Variants in F10 observed in about 807,000 individuals in gnomAD.
F10 encodes the protein Stuart-Prower factor.
Under a neutral mutation model 37.1 loss-of-function variants are expected in F10, and 29 were observed. That is an observed-to-expected ratio of 0.78 (90% confidence interval 0.58 to 1.07). The LOEUF (loss-of-function observed/expected upper bound fraction) is 1.07, where lower values mean the gene tolerates loss of function less well. Ranked by LOEUF, F10 falls within the 50% of genes least tolerant of loss-of-function variation. The probability of loss-of-function intolerance (pLI) is 0.00; values close to 1 mark genes in which losing one functional copy is unlikely to be tolerated. For missense variants in F10, 539 were observed against 667.9 expected, an observed-to-expected ratio of 0.81 and a Z score of 2.13; for synonymous variants, 262 against 268.6, an observed-to-expected ratio of 0.98 and a Z score of 0.24.
Position 113,143,801 on chromosome 13 carries a change from T to A in F10, c.503-50T>A. On this transcript the variant is annotated intron_variant, in intron 5 of 7. Transcript: ENST00000375559. This position sits in a 1 kb window ranked among gnomAD's most constrained non-coding sequence, Gnocchi z 6.8. ...CCCTCAGGGTGAGCTGTGCAGGCTATGGGGAGCCTCTCTCTGTGCTGAAGG... is the reference window on the plus strand; with the variant it reads ...CCCTCAGGGTGAGCTGTGCAGGCTAAGGGGAGCCTCTCTCTGTGCTGAAGG... 1 of 1,605,412 alleles carries A rather than the reference T, an allele frequency of 6.2e-7. No homozygotes were observed.
At position 113,133,689 on chromosome 13, in the gene F10, C is replaced by T. The variant is rs548352177; in HGVS notation, c.231+4077C>T. Among the ~76,000 whole-genome samples the T allele has an allele frequency of 2.6e-4, 40 of 152,252 alleles. 1 individual carries two copies. Among genetic ancestry groups the T allele is most frequent in the Non-Finnish European group, 5.3e-4 (36 of 67,994 alleles). On this transcript the variant is annotated intron_variant, in intron 2 of 7. Transcript: ENST00000375559. ...TTAGTTTGTCTTAGGCCAGCATTAC[C>T]CTGATGTCAAAACCAGACAAATACT...
intron 2 of F10, chr13:113,131,848 T>A (rs1350965174): frequency 6.6e-6 from 1 of 152,308 alleles, no homozygotes; most frequent in African/African-American, 2.4e-5. Context: ...TGAGGCCACA[T>A]TCATAGATGA....
chr13:113,127,842 C>T (rs928927373), intron 1 of F10, among the ~76,000 whole-genome samples: 13 of 152,120 alleles, frequency 8.5e-5, no homozygotes, highest in African/African-American at 1.4e-4. Context: ...ACCTTAAAGA[C>T]GAGTGGGGCC....
rs886242450 is a variant in F10 at position 113,141,871 on chromosome 13, G to A, written c.502+821G>A. ...CCAGGCCCGCCTTTTCAAGAGCCTG[G>A]TGACCCAGCTCACCTTCCGGCTTCA... On this transcript the variant is annotated intron_variant, in intron 5 of 7. Coordinates refer to ENST00000375559, the MANE Select transcript of F10 (RefSeq NM_000504.4). The surrounding 1 kb of genome is among the most constrained non-coding windows in gnomAD (Gnocchi z 5.4). Among the ~76,000 whole-genome samples, 10 of 152,220 alleles carry A rather than the reference G, an allele frequency of 6.6e-5. No homozygotes were observed. Among genetic ancestry groups the A allele is most frequent in the East Asian group, 1.9e-4 (1 of 5,200 alleles).
At chr13:113,142,279 T>A (rs141687158) in intron 5 of F10, among the ~76,000 whole-genome samples, 2 of 152,038 alleles carry the variant, frequency 1.3e-5, no homozygotes, top group African/African-American at 4.8e-5. Flanking sequence ...CAGTAGCTCA[T>A]GCCTGTAATC....
Position 113,126,455 on chromosome 13 carries a change from CGCT to C in F10, c.71-2996_71-2994del, listed in dbSNP as rs2036371047. Among the ~76,000 whole-genome samples, 5 of 152,084 alleles carry C rather than the reference CGCT, an allele frequency of 3.3e-5. No homozygotes were observed. In the South Asian group the frequency reaches 1.0e-3, roughly 32 times the overall value. On this transcript the variant is annotated intron_variant, in intron 1 of 7. Coordinates refer to ENST00000375559, the MANE Select transcript of F10 (RefSeq NM_000504.4). ...ATGCCAAGGGGAACAGAGCTGTGGCCGCTATCACAGAACAGCGAGTTCCTCTAA... is the reference window on the plus strand; with the variant it reads ...ATGCCAAGGGGAACAGAGCTGTGGCCATCACAGAACAGCGAGTTCCTCTAA...
At position 113,137,956 on chromosome 13, in the gene F10, A is replaced by C. The variant is rs551393835; in HGVS notation, c.232-501A>C. Among the ~76,000 whole-genome samples, 94 of 152,368 alleles carry C rather than the reference A, an allele frequency of 6.2e-4. 1 individual carries two copies. Among genetic ancestry groups the C allele is most frequent in the African/African-American group, 2.2e-3 (93 of 41,588 alleles). ...GACCTGAATTAGCAGGGAGGGCACT[A>C]TTCAACCAACTGTAGAGAGTTAAAA... On this transcript the variant is annotated intron_variant, in intron 2 of 7. Transcript: ENST00000375559.
intron 2 of F10, chr13:113,131,178 A>G (rs1413489380): frequency 1.3e-5 from 2 of 152,240 alleles, no homozygotes; most frequent in African/African-American, 4.8e-5. Flanking sequence ...GCCTTTCATC[A>G]CCTGCTACAA....
intron 7 of F10, among the ~76,000 whole-genome samples, chr13:113,148,457 TTAC>T (rs2138556327): frequency 6.6e-6 from 1 of 151,494 alleles, no homozygotes; most frequent in East Asian, 1.9e-4. Context: ...ATTGAAAATA[TTAC>T]TTTTTCCATG....
chr13:113,127,808 A>G (rs1180137916), intron 1 of F10, among the ~76,000 whole-genome samples: 4 of 152,204 alleles, frequency 2.6e-5, no homozygotes, highest in Non-Finnish European at 4.4e-5. Flanking sequence ...AGCATCACCA[A>G]TCCCCACATA....
chr13:113,129,752 C>A, intron 2 of F10, 140 bp downstream of exon 2: 2 of 1,099,992 alleles, frequency 1.8e-6, no homozygotes, highest in Non-Finnish European at 2.7e-6. Context: ...CGGGGCCCAG[C>A]AAATCGAGGC....
intron 6 of F10, among the ~76,000 whole-genome samples, chr13:113,145,810 A>T (rs1595097310): frequency 6.6e-6 from 1 of 152,228 alleles, no homozygotes; most frequent in Non-Finnish European, 1.5e-5. Context: ...CCACCAGAAC[A>T]GCATGGGGAA....
rs1278762008 is a variant in F10 at position 113,125,901 on chromosome 13, T to C, written c.70+2976T>C. Reference sequence around the variant, plus strand: ...GAGGGGTTGGGTGCTAGAAGACAAATAGCACAGTGTAAGGGGATGAAAGAG... The same window carrying C: ...GAGGGGTTGGGTGCTAGAAGACAAACAGCACAGTGTAAGGGGATGAAAGAG... On this transcript the variant is annotated intron_variant, in intron 1 of 7. Coordinates refer to ENST00000375559, the MANE Select transcript of F10 (RefSeq NM_000504.4). Among the ~76,000 whole-genome samples, 8 of 150,528 alleles carry C rather than the reference T, an allele frequency of 5.3e-5. No homozygotes were observed. The East Asian group carries it at 1.6e-3, about 30-fold the overall frequency.
Position 113,144,881 on chromosome 13 carries a change from AT to A in F10, c.747+801del, listed in dbSNP as rs61190666. On this transcript the variant is annotated intron_variant, in intron 6 of 7. Coordinates refer to ENST00000375559, the MANE Select transcript of F10 (RefSeq NM_000504.4). The surrounding 1 kb of genome is among the most constrained non-coding windows in gnomAD (Gnocchi z 6.4). ...GGCGCCCGCTACTTACGCCTGGCTA[AT>A]TTTTTTTTTTTTTTGAGACGGAGTC... 2.2e-3 allele frequency among the ~76,000 whole-genome samples: 273 copies of A among 125,636 alleles called. No homozygotes were observed. The highest frequency in any genetic ancestry group is 4.5e-3 in the Middle Eastern group (1 of 224). 82.4% of individuals were successfully genotyped at this position (125,636 alleles called of 152,430 possible). A position where few individuals can be genotyped will look rare whatever the true frequency, so the allele number is the denominator to read the frequency against.
chr13:113,124,256 G>A (rs1447235094), intron 1 of F10, among the ~76,000 whole-genome samples: 1 of 152,222 alleles, frequency 6.6e-6, no homozygotes, highest in African/African-American at 2.4e-5. Flanking sequence ...GTGGGGATGA[G>A]AAGACAGGCC....
chr13:113,124,382 G>T (rs1034122534), intron 1 of F10, among the ~76,000 whole-genome samples: 1 of 152,238 alleles, frequency 6.6e-6, no homozygotes, highest in Non-Finnish European at 1.5e-5. Context: ...CGGACCTCTG[G>T]GTCCACAGGG....
At chr13:113,137,739 C>T (rs1023960553) in intron 2 of F10, among the ~76,000 whole-genome samples, 1 of 152,176 alleles carries the variant, frequency 6.6e-6, no homozygotes, top group Non-Finnish European at 1.5e-5. Flanking sequence ...CGCGTCGCTC[C>T]TGTCTCTGCT....
At chr13:113,140,802 C>A (rs2036520138) in intron 4 of F10, 117 bp from the exon 5 acceptor site, 3 of 1,519,438 alleles carry the variant, frequency 2.0e-6, no homozygotes, top group South Asian at 2.3e-5. Context: ...TGGCCCTTTG[C>A]TCAACCCAAT....
At chr13:113,147,538 G>A (rs373313696) in intron 7 of F10, 42 bp downstream of exon 7, 119 of 1,150,750 alleles carry the variant, frequency 1.0e-4, no homozygotes, top group African/African-American at 9.0e-4. Flanking sequence ...GAGGGGCACC[G>A]TCACTGTCTG....
Sources: gnomAD v4.1 joint callset for allele counts (sites outside exome capture counted in the v4.1 genomes callset) on GRCh38, gnomAD v4.1.1 for gene constraint, Gnocchi (gnomAD v3.1) non-coding constraint, MANE v1.5 for transcripts, NCBI Gene and HGNC (gene_info 2026-07-23, HGNC 2026-07-21) for gene names.